NDST4: variants seen among roughly 807,000 people sequenced by gnomAD.
The protein encoded by NDST4 is N-deacetylase and N-sulfotransferase 4, also known as N-heparan sulfate sulfotransferase 4.
NDST4 carries 63 observed loss-of-function variants against 100.8 expected under a neutral mutation model. The ratio of observed to expected loss-of-function variants is 0.62; its 90% CI spans 0.51 to 0.77. The LOEUF is 0.77. Ranked by LOEUF, NDST4 falls within the 30% of genes least tolerant of loss-of-function variation. The pLI, the probability that NDST4 is intolerant of heterozygous loss-of-function variation, is 0.00. For synonymous variants in NDST4, 377 were observed against 361.8 expected (o/e 1.04, Z -0.48); for missense variants, 943 against 1,018.4 (o/e 0.93, Z 1.01).
chr4:114,888,269 G>C (rs1382462210), intron 6 of NDST4, among the ~76,000 whole-genome samples: 2 of 151,662 alleles, frequency 1.3e-5, no homozygotes, highest in Non-Finnish European at 2.9e-5. Flanking sequence ...CCTTGCCTTT[G>C]TGCATTTCTT....
chr4:115,095,724 A>G (rs1343209993), intron 1 of NDST4, among the ~76,000 whole-genome samples: 1 of 152,162 alleles, frequency 6.6e-6, no homozygotes, highest in Non-Finnish European at 1.5e-5. Flanking sequence ...TAATAAAGAT[A>G]TCCATATGGA....
chr4:114,935,334 C>T lies in NDST4; in HGVS notation c.1408G>A (p.Val470Ile), dbSNP rs1725605108. 1.3e-6 allele frequency: 2 copies of T among 1,574,064 alleles called. No homozygotes were observed. Among genetic ancestry groups the T allele is most frequent in the Non-Finnish European group, 1.7e-6 (2 of 1,161,370 alleles). The part of the protein sequence containing the change: ...RKGFIHNSIM[V>I]LPRQTCGLFT... ...AACCCACAAGTCTGTCGAGGGAGGA[C>T]CTGAGTAAAAAAGGGGAAAAACAGC... Residue 470 changes from valine to isoleucine, a missense_variant and splice_region_variant, in exon 6 of 14, where the codon GTC becomes ATC. By Grantham distance (29) the Val-to-Ile change is conservative (BLOSUM62 3). This residue lies in a region of NDST4 where 526 missense variants were observed against 634.1 expected (regional missense o/e 0.83). Coordinates refer to ENST00000264363, the MANE Select transcript of NDST4 (RefSeq NM_022569.3).
chr4:114,855,385 T>G (rs1198349516), intron 7 of NDST4, among the ~76,000 whole-genome samples: 1 of 152,190 alleles, frequency 6.6e-6, no homozygotes, highest in Non-Finnish European at 1.5e-5. Flanking sequence ...CAATGTTTTA[T>G]TTTAGTAGTT....
At chr4:114,929,096 C>CGAT (rs1578394887) in intron 6 of NDST4, among the ~76,000 whole-genome samples, 5 of 130,118 alleles carry the variant, frequency 3.8e-5, no homozygotes, top group Middle Eastern at 3.6e-3. Flanking sequence ...ATCCATCCAT[C>CGAT]CATCCATCCA....
chr4:114,835,752 C>T (rs1723293781), intron 11 of NDST4, among the ~76,000 whole-genome samples: 1 of 152,132 alleles, frequency 6.6e-6, no homozygotes, highest in South Asian at 2.1e-4. Flanking sequence ...GTCTAAGTCT[C>T]TTTGTAGGTG....
At chr4:115,046,431 G>A (rs889906164) in intron 2 of NDST4, among the ~76,000 whole-genome samples, 1 of 152,096 alleles carries the variant, frequency 6.6e-6, no homozygotes, top group Non-Finnish European at 1.5e-5. Flanking sequence ...CTGTCACTCA[G>A]TAAAAGAAAG....
intron 2 of NDST4, among the ~76,000 whole-genome samples, chr4:115,057,476 T>A (rs1009556003): frequency 2.0e-5 from 3 of 152,014 alleles, no homozygotes; most frequent in African/African-American, 7.2e-5. Context: ...TGCCCAGCAA[T>A]ATAGCAACCC....
At chr4:114,920,606 T>A (rs144821667) in intron 6 of NDST4, among the ~76,000 whole-genome samples, 2 of 152,188 alleles carry the variant, frequency 1.3e-5, no homozygotes, top group Admixed American at 6.5e-5. Flanking sequence ...TCTTTTACAT[T>A]GTTTAAGGTG....
chr4:115,021,724 C>T (rs565727560), intron 2 of NDST4, among the ~76,000 whole-genome samples: 13 of 151,478 alleles, frequency 8.6e-5, no homozygotes, highest in South Asian at 4.2e-4. Flanking sequence ...CATATATATA[C>T]GTTCCACATC....
intron 2 of NDST4, among the ~76,000 whole-genome samples, chr4:114,995,657 C>G (rs1727143223): frequency 6.6e-6 from 1 of 151,984 alleles, no homozygotes; most frequent in South Asian, 2.1e-4. Flanking sequence ...AATGATCTTC[C>G]CAATTATTCA....
At chr4:115,073,373 T>C (rs184526621) in intron 2 of NDST4, among the ~76,000 whole-genome samples, 266 of 152,184 alleles carry the variant, frequency 1.7e-3, no homozygotes, top group African/African-American at 6.0e-3. Context: ...TCCTTGTTCA[T>C]TTAAGCATTA....
chr4:114,962,244 C>A (rs1726279561), intron 4 of NDST4, among the ~76,000 whole-genome samples: 1 of 152,010 alleles, frequency 6.6e-6, no homozygotes, highest in African/African-American at 2.4e-5. Context: ...TAAGACCAGG[C>A]ATAAAACAAG....
chr4:114,849,036 A>T (rs993080628), intron 8 of NDST4, among the ~76,000 whole-genome samples: 5 of 152,236 alleles, frequency 3.3e-5, no homozygotes, highest in Admixed American at 1.3e-4. Context: ...CATAAGTGTT[A>T]CACAGCAAGG....
chr4:114,890,049 T>C (rs1223706549), intron 6 of NDST4, among the ~76,000 whole-genome samples: 1 of 152,174 alleles, frequency 6.6e-6, no homozygotes, highest in East Asian at 1.9e-4. Context: ...ACTCCAAATT[T>C]TTATTTTACC....
intron 5 of NDST4, among the ~76,000 whole-genome samples, chr4:114,936,905 G>A (rs1725640318): frequency 6.6e-6 from 1 of 152,200 alleles, no homozygotes; most frequent in African/African-American, 2.4e-5. Flanking sequence ...CATTCTGTCT[G>A]TTGACAGAAT....
At chr4:115,029,331 G>A (rs1385778492) in intron 2 of NDST4, among the ~76,000 whole-genome samples, 1 of 152,100 alleles carries the variant, frequency 6.6e-6, no homozygotes, top group Non-Finnish European at 1.5e-5. Context: ...AATATCATAG[G>A]AGAGAGAGAT....
chr4:114,974,251 A>C (rs279523), intron 3 of NDST4, among the ~76,000 whole-genome samples: 55,529 of 151,386 alleles, frequency 0.37, 10,487 homozygotes, highest in Middle Eastern at 0.48. Flanking sequence ...AGGTCTTTTA[A>C]CTAATTCTCC....
intron 2 of NDST4, among the ~76,000 whole-genome samples, chr4:115,067,301 C>T (rs1437119597): frequency 1.3e-5 from 2 of 152,146 alleles, no homozygotes; most frequent in East Asian, 3.9e-4. Flanking sequence ...ATCTCTAACT[C>T]TGAAAATGAT....
intron 6 of NDST4, among the ~76,000 whole-genome samples, chr4:114,872,406 T>C (rs1400705581): frequency 2.6e-5 from 4 of 152,058 alleles, no homozygotes; most frequent in Admixed American, 2.6e-4. Flanking sequence ...TATACGTCAC[T>C]GGCCAATGTT....
Sources: gnomAD v4.1 joint callset for allele counts (sites outside exome capture counted in the v4.1 genomes callset) on GRCh38, gnomAD v4.1.1 for gene constraint, gnomAD v4.1.1 regional missense constraint, MANE v1.5 for transcripts, NCBI Gene and HGNC (gene_info 2026-07-23, HGNC 2026-07-21) for gene names.